PRIMPOL: variants seen among roughly 807,000 people sequenced by gnomAD.
PRIMPOL encodes primase and DNA directed polymerase.
In PRIMPOL, 54 loss-of-function variants were observed where a neutral mutation model predicts 63.6. The ratio of observed to expected loss-of-function variants is 0.85; its 90% CI spans 0.68 to 1.07. The LOEUF is 1.07. Ranked by LOEUF, PRIMPOL falls within the 50% of genes least tolerant of loss-of-function variation. The pLI is 0.00. For synonymous variants in PRIMPOL, 197 were observed against 220.2 expected, an observed-to-expected ratio of 0.89 and a Z score of 0.93; for missense variants, 610 against 648.3, an observed-to-expected ratio of 0.94 and a Z score of 0.64.
chr4:184,689,851 G>A (rs28463742), intron 11 of PRIMPOL, among the ~76,000 whole-genome samples: 27,074 of 152,138 alleles, frequency 0.18, 2,654 homozygotes, highest in African/African-American at 0.25. Flanking sequence ...GTGAACTGCA[G>A]GCAAGGAGTT....
intron 7 of PRIMPOL, among the ~76,000 whole-genome samples, chr4:184,677,250 C>T (rs2705895): frequency 0.8 from 121,704 of 151,562 alleles, 49,755 homozygotes; most frequent in East Asian, 0.99. Flanking sequence ...GCACAAGCCA[C>T]TGCACCTGGC....
At chr4:184,656,638 T>C (rs138098929) in intron 2 of PRIMPOL, among the ~76,000 whole-genome samples, 1 of 152,286 alleles carries the variant, frequency 6.6e-6, no homozygotes, top group East Asian at 1.9e-4. Flanking sequence ...AAATGAATTC[T>C]ACACTGAGAA....
chr4:184,676,018 G>C (rs1272037729), intron 7 of PRIMPOL, among the ~76,000 whole-genome samples: 1 of 152,070 alleles, frequency 6.6e-6, no homozygotes, highest in Non-Finnish European at 1.5e-5. Context: ...AGTGTTTCTT[G>C]CATCTTGTTA....
At chr4:184,675,701 C>T (rs1753110897) in intron 7 of PRIMPOL, among the ~76,000 whole-genome samples, 1 of 152,092 alleles carries the variant, frequency 6.6e-6, no homozygotes, top group African/African-American at 2.4e-5. Flanking sequence ...CCTGTAATCC[C>T]AGCTACTCAG....
At chr4:184,685,882 A>G (rs1756860943) in intron 11 of PRIMPOL, among the ~76,000 whole-genome samples, 198 bp downstream of exon 11, 1 of 151,918 alleles carries the variant, frequency 6.6e-6, no homozygotes, top group Non-Finnish European at 1.5e-5. Context: ...GCTCAGTGCA[A>G]CCTCCGCCTC....
At chr4:184,650,259 C>T (rs1743833356) in intron 1 of PRIMPOL, among the ~76,000 whole-genome samples, 1 of 152,212 alleles carries the variant, frequency 6.6e-6, no homozygotes, top group Non-Finnish European at 1.5e-5. Flanking sequence ...CATTTAACAT[C>T]ATGAGGAAAA....
intron 5 of PRIMPOL, among the ~76,000 whole-genome samples, chr4:184,663,024 A>ATTATTC (rs1553990887): frequency 3.7e-5 from 5 of 136,440 alleles, no homozygotes; most frequent in African/African-American, 1.2e-4. Context: ...AACCTTTATT[A>ATTATTC]TTATTATTAT....
At chr4:184,668,532 A>C (rs928515612) in intron 6 of PRIMPOL, among the ~76,000 whole-genome samples, 6 of 152,192 alleles carry the variant, frequency 3.9e-5, no homozygotes, top group African/African-American at 1.4e-4. Context: ...GTCCTGGGCC[A>C]CATTTCCTCT....
At chr4:184,665,752 G>A (rs1374523399) in intron 5 of PRIMPOL, among the ~76,000 whole-genome samples, 165 bp from the exon 6 acceptor site, 3 of 151,854 alleles carry the variant, frequency 2.0e-5, no homozygotes, top group South Asian at 2.1e-4. Flanking sequence ...TAATCTGCCC[G>A]CCTTGGCCTC....
chr4:184,656,050 G>A (rs1291772905), intron 2 of PRIMPOL, among the ~76,000 whole-genome samples: 1 of 152,184 alleles, frequency 6.6e-6, no homozygotes, highest in Non-Finnish European at 1.5e-5. Flanking sequence ...ATGACGGCTG[G>A]ATGTCCGGAA....
At chr4:184,668,865 TATC>T (rs143428424) in intron 6 of PRIMPOL, among the ~76,000 whole-genome samples, 3,287 of 151,458 alleles carry the variant, frequency 0.022, 119 homozygotes, top group African/African-American at 0.075. Flanking sequence ...AAAATATCAT[TATC>T]AATAATATTA....
intron 3 of PRIMPOL, among the ~76,000 whole-genome samples, chr4:184,658,192 G>T (rs1222878622): frequency 6.6e-6 from 1 of 151,836 alleles, no homozygotes. Context: ...AAATCTCCAA[G>T]TGCTGGAAGT....
chr4:184,667,472 G>A (rs1003958666), intron 6 of PRIMPOL, among the ~76,000 whole-genome samples: 4 of 152,098 alleles, frequency 2.6e-5, no homozygotes, highest in South Asian at 2.1e-4. Context: ...CACCATGCCC[G>A]GCTAAGTTTT....
At chr4:184,690,768 A>C (rs1364371848) in intron 11 of PRIMPOL, among the ~76,000 whole-genome samples, 1 of 152,228 alleles carries the variant, frequency 6.6e-6, no homozygotes, top group Non-Finnish European at 1.5e-5. Flanking sequence ...TTAAGACTAT[A>C]AATTACCCTC....
intron 8 of PRIMPOL, among the ~76,000 whole-genome samples, chr4:184,679,865 G>T (rs1755135761): frequency 6.6e-6 from 1 of 152,208 alleles, no homozygotes; most frequent in African/African-American, 2.4e-5. Flanking sequence ...AACAGTTTCA[G>T]CCTGAAACCA....
intron 2 of PRIMPOL, 143 bp from the exon 3 acceptor site, chr4:184,656,939 G>A: frequency 2.3e-6 from 1 of 439,322 alleles, no homozygotes. Context: ...CTGATAACCA[G>A]CCTTGCTCTC....
chr4:184,653,787 G>C (rs1745416135), intron 2 of PRIMPOL, among the ~76,000 whole-genome samples: 1 of 152,232 alleles, frequency 6.6e-6, no homozygotes, highest in African/African-American at 2.4e-5. Flanking sequence ...TCACCACCGG[G>C]AATGAAAAGC....
intron 11 of PRIMPOL, among the ~76,000 whole-genome samples, chr4:184,689,473 G>A (rs1389685801): frequency 7.9e-5 from 8 of 101,812 alleles, no homozygotes; most frequent in African/African-American, 3.3e-4. Context: ...TTTTTTTTGA[G>A]ATGGAGTCTT....
In PRIMPOL at chr4:184,685,398, C is replaced by T; in HGVS notation, c.1097-11C>T. ...GCTATTGTAATTTATAAACCATTCT[C>T]TCTGTTGCAGTAGAAACCATTGAAG... is the stretch of plus-strand genomic sequence containing the variant. On this transcript the variant is annotated splice_polypyrimidine_tract_variant and intron_variant, in intron 9 of 13. Coordinates refer to ENST00000314970, the MANE Select transcript of PRIMPOL (RefSeq NM_152683.4). The T allele has an allele frequency of 1.3e-6, 2 of 1,567,722 alleles. No individual in the cohort carries two copies. The highest frequency in any genetic ancestry group is 1.1e-5 in the South Asian group (1 of 90,040).
Sources: gnomAD v4.1 joint callset for allele counts (sites outside exome capture counted in the v4.1 genomes callset) on GRCh38, gnomAD v4.1.1 for gene constraint, MANE v1.5 for transcripts, NCBI Gene and HGNC (gene_info 2026-07-23, HGNC 2026-07-21) for gene names.